SBF2: variants seen among roughly 807,000 people sequenced by gnomAD.
The protein encoded by SBF2 is myotubularin-related protein 13.
SBF2 carries 112 observed loss-of-function variants against 225.2 expected under a neutral mutation model. The observed-to-expected ratio is 0.50, with a 90% CI of 0.43 to 0.58. SBF2 has a LOEUF of 0.58. Ranked by LOEUF, SBF2 falls within the 20% of genes least tolerant of loss-of-function variation. SBF2 has a pLI of 0.00. For missense variants in SBF2, 1,996 were observed against 2,206.2 expected (o/e 0.90, Z 1.91); for synonymous variants, 763 against 773.3 (o/e 0.99, Z 0.22).
intron 16 of SBF2, among the ~76,000 whole-genome samples, chr11:9,938,482 T>C (rs1207024986): frequency 1.3e-5 from 2 of 149,336 alleles, no homozygotes; most frequent in Non-Finnish European, 1.5e-5. Context: ...AAAAAAAAAA[T>C]CAATGTAGGA....
intron 33 of SBF2, 69 bp downstream of exon 33, chr11:9,795,759 CATT>C: frequency 6.5e-7 from 1 of 1,539,928 alleles, no homozygotes; most frequent in Non-Finnish European, 8.9e-7. Context: ...GGGATAGTTA[CATT>C]ATTAGAATTT....
intron 13 of SBF2, among the ~76,000 whole-genome samples, chr11:9,986,873 T>C (rs1369870323): frequency 1.3e-5 from 2 of 152,258 alleles, no homozygotes; most frequent in Admixed American, 6.5e-5. Flanking sequence ...ACCAATCCTT[T>C]TGACACTATT....
At chr11:10,208,649 CTATCAAGG>C (rs1202732914) in intron 1 of SBF2, among the ~76,000 whole-genome samples, 1 of 152,074 alleles carries the variant, frequency 6.6e-6, no homozygotes, top group East Asian at 1.9e-4. Context: ...TTATCTATGC[CTATCAAGG>C]TATTACGAAA....
intron 16 of SBF2, among the ~76,000 whole-genome samples, chr11:9,925,552 A>G (rs1013612538): frequency 7.8e-4 from 118 of 152,246 alleles, no homozygotes; most frequent in African/African-American, 2.7e-3. Flanking sequence ...CTGGGATTAT[A>G]GGCGTGAGCC....
chr11:10,079,810 A>T (rs2134856226), intron 2 of SBF2, among the ~76,000 whole-genome samples: 1 of 152,322 alleles, frequency 6.6e-6, no homozygotes, highest in South Asian at 2.1e-4. Flanking sequence ...GTTAACATTA[A>T]GAGGGGAAAA....
chr11:10,045,745 ATCTACCAAAAC>A lies in SBF2; in HGVS notation c.142-2775_142-2765del, dbSNP rs1378227613. On this transcript the variant is annotated intron_variant, in intron 2 of 39. Coordinates refer to ENST00000256190, the MANE Select transcript of SBF2 (RefSeq NM_030962.4). ...ATGTACCAATTTCTTGAAAGACACA[ATCTACCAAAAC>A]TCACACAAGAAATGGACAATCAGCA... 2.6e-5 allele frequency among the ~76,000 whole-genome samples: 4 copies of A among 152,234 alleles called. 1 individual carries two copies. Among genetic ancestry groups the A allele is most frequent in the African/African-American group, 9.6e-5 (4 of 41,464 alleles).
At chr11:9,969,381 G>C (rs1346612407) in intron 13 of SBF2, among the ~76,000 whole-genome samples, 7 of 152,164 alleles carry the variant, frequency 4.6e-5, no homozygotes, top group African/African-American at 1.7e-4. Flanking sequence ...GAGTATGTCA[G>C]TTCATCACAT....
At chr11:10,289,808 G>A (rs1052032729) in intron 1 of SBF2, among the ~76,000 whole-genome samples, 3 of 152,092 alleles carry the variant, frequency 2.0e-5, no homozygotes, top group African/African-American at 7.2e-5. Context: ...CTCCAGCTCC[G>A]CCTCCTCCTC....
At chr11:9,785,023 A>G (rs1469794770) in intron 37 of SBF2, 102 bp downstream of exon 37, 2 of 1,011,780 alleles carry the variant, frequency 2.0e-6, no homozygotes, top group Non-Finnish European at 1.6e-6. Flanking sequence ...CAAGTTTATA[A>G]AAGGCTGTAC....
chr11:10,286,160 G>GCACACGCACACACACACA (rs1555108809), intron 1 of SBF2, among the ~76,000 whole-genome samples: 2 of 110,352 alleles, frequency 1.8e-5, no homozygotes, highest in Non-Finnish European at 4.0e-5. Context: ...ACATAAACAC[G>GCACACGCACACACACACA]CACACGCACA....
At chr11:10,084,336 G>A (rs181047808) in intron 2 of SBF2, among the ~76,000 whole-genome samples, 29 of 152,124 alleles carry the variant, frequency 1.9e-4, no homozygotes, top group Admixed American at 5.9e-4. Flanking sequence ...AAATGCTCAA[G>A]TTCAGTAATA....
chr11:9,789,273 T>A lies in SBF2; in HGVS notation c.4768A>T (p.Thr1590Ser). 1 of 1,614,198 alleles carries A rather than the reference T, an allele frequency of 6.2e-7. No homozygotes were observed. Among genetic ancestry groups the A allele is most frequent in the South Asian group, 1.1e-5 (1 of 91,074 alleles). The part of the protein sequence containing the change: ...WDYYIEETLS[T>S]GPSYDWMMLT... The stretch of plus-strand genomic sequence containing the variant: ...ATCATCCAGTCATAGGAAGGGCCTG[T>A]GGACAGGGTCTCTTCTATGTAGTAA... Residue 1590 changes from threonine (T) to serine (S), a missense_variant, in exon 35 of 40, where the codon ACA becomes TCA. By Grantham distance (58) the Thr-to-Ser change is moderately conservative. Coordinates refer to ENST00000256190, the MANE Select transcript of SBF2 (RefSeq NM_030962.4).
chr11:10,117,083 A>G (rs541212677), intron 2 of SBF2, among the ~76,000 whole-genome samples: 3 of 152,212 alleles, frequency 2.0e-5, no homozygotes, highest in African/African-American at 7.2e-5. Context: ...AAGCTAGTCA[A>G]AAAACCAGGT....
At chr11:10,194,833 T>TA (rs1957302877) in intron 1 of SBF2, among the ~76,000 whole-genome samples, 2 of 152,054 alleles carry the variant, frequency 1.3e-5, no homozygotes, top group African/African-American at 4.8e-5. Context: ...GACTGACTGA[T>TA]ACGTATGAAA....
intron 17 of SBF2, among the ~76,000 whole-genome samples, chr11:9,872,782 G>A (rs1021099483): frequency 1.3e-5 from 2 of 152,120 alleles, no homozygotes; most frequent in African/African-American, 2.4e-5. Flanking sequence ...TTGGGAGGTT[G>A]AGGCAAGTAG....
chr11:10,052,528 A>C (rs892453505), intron 2 of SBF2, among the ~76,000 whole-genome samples: 2 of 152,172 alleles, frequency 1.3e-5, no homozygotes, highest in African/African-American at 4.8e-5. Context: ...ATTATACTTC[A>C]AGTTTGCAAG....
intron 20 of SBF2, among the ~76,000 whole-genome samples, chr11:9,853,200 G>A (rs1363088466): frequency 6.6e-6 from 1 of 152,164 alleles, no homozygotes; most frequent in Non-Finnish European, 1.5e-5. Context: ...ATCTAGAACA[G>A]GCAACTTTAT....
At chr11:9,901,970 T>G (rs552861986) in intron 16 of SBF2, among the ~76,000 whole-genome samples, 3 of 152,328 alleles carry the variant, frequency 2.0e-5, no homozygotes, top group African/African-American at 7.2e-5. Flanking sequence ...AGCAGCTTCC[T>G]TTCCAACCTG....
At chr11:10,250,343 T>C (rs1214194863) in intron 1 of SBF2, among the ~76,000 whole-genome samples, 3 of 152,170 alleles carry the variant, frequency 2.0e-5, no homozygotes, top group Non-Finnish European at 4.4e-5. Flanking sequence ...AGGATGTAAG[T>C]CCAACGCTAA....
Sources: gnomAD v4.1 joint callset for allele counts (sites outside exome capture counted in the v4.1 genomes callset) on GRCh38, gnomAD v4.1.1 for gene constraint, MANE v1.5 for transcripts, NCBI Gene and HGNC (gene_info 2026-07-23, HGNC 2026-07-21) for gene names.